Variants in TAFA2 observed in about 807,000 individuals in gnomAD.
TAFA2 encodes chemokine-like protein TAFA-2.
TAFA2 carries 7 observed loss-of-function variants against 18.8 expected under a neutral mutation model. That is an observed-to-expected ratio of 0.37 (90% CI 0.21 to 0.70). TAFA2 has a LOEUF of 0.70. Ranked by LOEUF, TAFA2 falls within the 30% of genes least tolerant of loss-of-function variation. The pLI is 0.53. For synonymous variants in TAFA2, 60 were observed against 54.2 expected (o/e 1.11, Z -0.47); for missense variants, 122 against 158.1 (o/e 0.77, Z 1.23).
intron 1 of TAFA2, among the ~76,000 whole-genome samples, chr12:62,072,026 G>C (rs1257815314): frequency 6.6e-6 from 1 of 152,112 alleles, no homozygotes; most frequent in Non-Finnish European, 1.5e-5. Flanking sequence ...TACATTTCAG[G>C]TACTATTTTT....
rs1871241522 is a variant in TAFA2, at chr12:61,797,667, A to G, written c.107-42643T>C. Among the ~76,000 whole-genome samples, 5 of 152,192 alleles carry G rather than the reference A, an allele frequency of 3.3e-5. No homozygotes were observed. The South Asian group carries it at 1.0e-3, about 31-fold the overall frequency. Reference sequence around the variant, plus strand: ...CTTGGTTTATAGACTCATTTTATTCAATCAGTGCTTCGGCACTGGTGAGAA... The same window carrying G: ...CTTGGTTTATAGACTCATTTTATTCGATCAGTGCTTCGGCACTGGTGAGAA... On this transcript the variant is annotated intron_variant, in intron 2 of 4. Coordinates refer to ENST00000416284, the MANE Select transcript of TAFA2 (RefSeq NM_178539.5).
At position 62,023,842 on chromosome 12, in the gene TAFA2, C is replaced by T. The variant is rs897861621; in HGVS notation, c.-1-156416G>A. Reference sequence around the variant, plus strand: ...AAACACAAATCTCCCCCAAAAACTTCCCATATATAATTTTCTCTCATTCAA... The same window carrying T: ...AAACACAAATCTCCCCCAAAAACTTTCCATATATAATTTTCTCTCATTCAA... On this transcript the variant is annotated intron_variant, in intron 1 of 4. Coordinates refer to ENST00000416284, the MANE Select transcript of TAFA2 (RefSeq NM_178539.5). 58 of 152,144 alleles carry T rather than the reference C, an allele frequency of 3.8e-4. 1 individual carries two copies. The highest frequency in any genetic ancestry group is 4.4e-5 in the Non-Finnish European group (3 of 68,030). 9.4% of individuals were successfully genotyped at this position (152,144 alleles called of 1,614,324 possible).
At chr12:61,835,562 T>C (rs560794205) in intron 2 of TAFA2, among the ~76,000 whole-genome samples, 1 of 152,116 alleles carries the variant, frequency 6.6e-6, no homozygotes, top group South Asian at 2.1e-4. Context: ...GATTTTATAA[T>C]ACTTTTCCAC....
intron 2 of TAFA2, among the ~76,000 whole-genome samples, chr12:61,787,582 A>C (rs117908381): frequency 6.6e-6 from 1 of 151,828 alleles, no homozygotes; most frequent in Non-Finnish European, 1.5e-5. Context: ...GGAGGACGAA[A>C]GTCTAGAGTA....
Position 62,062,879 on chromosome 12 carries a change from G to A in TAFA2, c.-2+128380C>T, listed in dbSNP as rs148168615. Among the ~76,000 whole-genome samples, 359 of 152,154 alleles carry A rather than the reference G, an allele frequency of 2.4e-3. 1 individual carries two copies. Among genetic ancestry groups the A allele is most frequent in the African/African-American group, 7.8e-3 (325 of 41,506 alleles). ...CTTTTAAAGGCCACCGCATTCCTTGGCTCATGGCCCCTTTCTTCTGCCTTC... is the reference window on the plus strand; with the variant it reads ...CTTTTAAAGGCCACCGCATTCCTTGACTCATGGCCCCTTTCTTCTGCCTTC... On this transcript the variant is annotated intron_variant, in intron 1 of 4. Coordinates refer to ENST00000416284, the MANE Select transcript of TAFA2 (RefSeq NM_178539.5).
At chr12:61,879,012 C>T (rs1874989959) in intron 1 of TAFA2, among the ~76,000 whole-genome samples, 1 of 152,106 alleles carries the variant, frequency 6.6e-6, no homozygotes, top group South Asian at 2.1e-4. Context: ...ACAGCCAGAA[C>T]TCAAAACCAG....
intron 1 of TAFA2, among the ~76,000 whole-genome samples, chr12:62,061,385 T>TG (rs1328029923): frequency 1.1e-4 from 17 of 152,354 alleles, no homozygotes; most frequent in African/African-American, 3.8e-4. Flanking sequence ...GATGTACATG[T>TG]GTGTAGCCTA....
chr12:62,045,399 C>T (rs184771817), intron 1 of TAFA2, among the ~76,000 whole-genome samples: 203 of 152,186 alleles, frequency 1.3e-3, no homozygotes, highest in African/African-American at 4.4e-3. Flanking sequence ...GTTTCATGCT[C>T]TCCTGGGAAT....
intron 1 of TAFA2, chr12:62,234,696 C>G: frequency 1.9e-6 from 2 of 1,042,574 alleles, no homozygotes; most frequent in South Asian, 2.6e-5. Context: ...GTAGTTGCAG[C>G]AGTAAGGCCT....
chr12:62,185,966 C>G (rs1210991999), intron 1 of TAFA2, among the ~76,000 whole-genome samples: 1 of 152,168 alleles, frequency 6.6e-6, no homozygotes, highest in Admixed American at 6.5e-5. Context: ...TTTGAATGAT[C>G]AGTTTTTTGT....
chr12:61,727,815 A>T (rs1870243125), intron 4 of TAFA2, among the ~76,000 whole-genome samples: 1 of 151,772 alleles, frequency 6.6e-6, no homozygotes, highest in Admixed American at 6.6e-5. Flanking sequence ...TTGTCTATTC[A>T]TGCTCTTTCA....
chr12:61,711,709 T>A (rs1869416383), intron 4 of TAFA2, among the ~76,000 whole-genome samples: 1 of 151,892 alleles, frequency 6.6e-6, no homozygotes, highest in Admixed American at 6.6e-5. Flanking sequence ...GAGACAGTCA[T>A]CTCATTTCTG....
chr12:61,870,461 G>T (rs1874550215), intron 1 of TAFA2, among the ~76,000 whole-genome samples: 1 of 152,146 alleles, frequency 6.6e-6, no homozygotes, highest in African/African-American at 2.4e-5. Flanking sequence ...GTCTTTATGA[G>T]CATGAAACAT....
chr12:61,847,520 G>A (rs1225442473), intron 2 of TAFA2, among the ~76,000 whole-genome samples: 1 of 152,128 alleles, frequency 6.6e-6, no homozygotes, highest in African/African-American at 2.4e-5. Flanking sequence ...TTTGAGAAAC[G>A]CATTACATGA....
chr12:62,091,459 A>G (rs1212837014), intron 1 of TAFA2, among the ~76,000 whole-genome samples: 2 of 151,942 alleles, frequency 1.3e-5, no homozygotes, highest in African/African-American at 2.4e-5. Context: ...ACTATGTAAC[A>G]TATCTCTAGG....
chr12:62,022,050 T>G lies in TAFA2; in HGVS notation c.-1-154624A>C, dbSNP rs1250682127. On this transcript the variant is annotated intron_variant, in intron 1 of 4. Transcript: ENST00000416284. The stretch of plus-strand genomic sequence containing the variant: ...ACCTTATCAGCATAAAGCTCTACAC[T>G]GCCCTCTGGAAAACCAAACCTCTTC... 5 of 581,090 alleles carry G rather than the reference T, an allele frequency of 8.6e-6. No homozygotes were observed. In the Admixed American group the frequency reaches 1.0e-4, roughly 12 times the overall value. 36.0% of individuals were successfully genotyped at this position (581,090 alleles called of 1,614,324 possible).
intron 1 of TAFA2, among the ~76,000 whole-genome samples, chr12:62,251,807 G>A (rs997298820): frequency 6.6e-6 from 1 of 152,116 alleles, no homozygotes; most frequent in Non-Finnish European, 1.5e-5. Flanking sequence ...ACTACACAGG[G>A]TGCCTCTTTT....
At chr12:62,004,347 C>G (rs112193227) in intron 1 of TAFA2, among the ~76,000 whole-genome samples, 2,394 of 152,186 alleles carry the variant, frequency 0.016, 33 homozygotes, top group Non-Finnish European at 0.026. Flanking sequence ...AGTGGATCAC[C>G]AGCACTGCTC....
At chr12:61,921,002 G>T (rs118063705) in intron 1 of TAFA2, among the ~76,000 whole-genome samples, 1 of 152,248 alleles carries the variant, frequency 6.6e-6, no homozygotes, top group East Asian at 1.9e-4. Context: ...GTTAGAGTGC[G>T]ATTGGTGGGT....
Sources: allele counts gnomAD v4.1 joint callset (sites outside exome capture counted in the v4.1 genomes callset), GRCh38; gene constraint gnomAD v4.1.1; transcripts MANE v1.5; gene names NCBI Gene and HGNC (gene_info 2026-07-23, HGNC 2026-07-21).